NCOA7: variants seen among roughly 807,000 people sequenced by gnomAD.
NCOA7 encodes the protein nuclear receptor coactivator 7, also known as 140 kDa estrogen receptor-associated protein.
A neutral mutation model predicts 104.3 loss-of-function variants in NCOA7; 45 were observed. The observed-to-expected ratio is 0.43, with a 90% CI of 0.34 to 0.55. The LOEUF (loss-of-function observed/expected upper bound fraction) is 0.55, where lower values mean the gene tolerates loss of function less well. Ranked by LOEUF, NCOA7 falls within the 20% of genes least tolerant of loss-of-function variation. NCOA7 has a pLI of 0.02. For missense variants in NCOA7, 1,041 were observed against 1,119.7 expected (o/e 0.93, Z 1.00); for synonymous variants, 398 against 402.3 (o/e 0.99, Z 0.13).
intron 5 of NCOA7, among the ~76,000 whole-genome samples, chr6:125,880,672 G>A (rs1043522930): frequency 6.6e-6 from 1 of 151,906 alleles, no homozygotes; most frequent in African/African-American, 2.4e-5. Context: ...GGGACTACAG[G>A]TGCGAGCCAC....
intron 2 of NCOA7, among the ~76,000 whole-genome samples, chr6:125,816,493 A>G (rs951658982): frequency 6.6e-6 from 1 of 152,204 alleles, no homozygotes; most frequent in Non-Finnish European, 1.5e-5. Flanking sequence ...TAAATCATGA[A>G]TAAGGTTTTG....
intron 2 of NCOA7, among the ~76,000 whole-genome samples, chr6:125,822,950 AC>A (rs1263658875): frequency 2.0e-5 from 3 of 150,420 alleles, no homozygotes; most frequent in South Asian, 4.2e-4. Flanking sequence ...AAAAAAAAAA[AC>A]AACAAAAAAA....
intron 1 of NCOA7, among the ~76,000 whole-genome samples, chr6:125,783,723 C>T (rs918581684): frequency 1.3e-5 from 2 of 152,198 alleles, no homozygotes; most frequent in African/African-American, 4.8e-5. Context: ...CAGGTACAGC[C>T]TGTACTTTAT....
chr6:125,919,177 T>C (rs1787344152), intron 11 of NCOA7: 1 of 1,478,602 alleles, frequency 6.8e-7, no homozygotes, highest in African/African-American at 1.4e-5. Context: ...AATTTGGGTG[T>C]GTTCCTGTAG....
At chr6:125,850,733 A>G (rs1332124585) in intron 2 of NCOA7, among the ~76,000 whole-genome samples, 2 of 152,218 alleles carry the variant, frequency 1.3e-5, no homozygotes, top group Admixed American at 6.5e-5. Flanking sequence ...AGAAGGAATC[A>G]CCTTCGGAAG....
At chr6:125,807,975 A>G (rs1465599519) in intron 1 of NCOA7, among the ~76,000 whole-genome samples, 1 of 152,216 alleles carries the variant, frequency 6.6e-6, no homozygotes, top group Non-Finnish European at 1.5e-5. Flanking sequence ...GACAAGAGAA[A>G]TCTATCAAAT....
intron 3 of NCOA7, among the ~76,000 whole-genome samples, chr6:125,856,413 C>T (rs957901157): frequency 6.6e-6 from 1 of 151,964 alleles, no homozygotes; most frequent in Non-Finnish European, 1.5e-5. Context: ...AGTGCAGTGG[C>T]GCGATCTCGG....
At chr6:125,826,549 T>TCAGTA (rs1778677587) in intron 2 of NCOA7, among the ~76,000 whole-genome samples, 1 of 152,082 alleles carries the variant, frequency 6.6e-6, no homozygotes, top group Non-Finnish European at 1.5e-5. Flanking sequence ...CTCAGTTCTT[T>TCAGTA]CATGTAATTA....
chr6:125,795,803 C>T (rs1775264601), intron 1 of NCOA7, among the ~76,000 whole-genome samples: 1 of 152,180 alleles, frequency 6.6e-6, no homozygotes, highest in South Asian at 2.1e-4. Flanking sequence ...TGCATTTTAC[C>T]CACAGTCATT....
At chr6:125,910,208 A>G (rs991451439) in intron 10 of NCOA7, among the ~76,000 whole-genome samples, 1 of 152,188 alleles carries the variant, frequency 6.6e-6, no homozygotes, top group Non-Finnish European at 1.5e-5. Flanking sequence ...TGTGAATGCT[A>G]AGCCGGCTCT....
At chr6:125,907,030 GAACTTA>G (rs1786074385) in intron 10 of NCOA7, among the ~76,000 whole-genome samples, 1 of 152,186 alleles carries the variant, frequency 6.6e-6, no homozygotes, top group Non-Finnish European at 1.5e-5. Flanking sequence ...AGAGGACTTA[GAACTTA>G]AGTAAGCAAA....
intron 11 of NCOA7, chr6:125,919,271 G>A (rs775023518): frequency 6.2e-7 from 1 of 1,611,674 alleles, no homozygotes; most frequent in African/African-American, 1.3e-5. Flanking sequence ...AGCTCAGCGT[G>A]GCTACAAGTA....
chr6:125,823,995 G>A (rs1260786034), intron 2 of NCOA7, among the ~76,000 whole-genome samples: 2 of 151,300 alleles, frequency 1.3e-5, no homozygotes, highest in African/African-American at 4.9e-5. Context: ...TTTATTATGG[G>A]CCAGCATTAA....
chr6:125,786,968 G>A (rs1006468916), upstream of NCOA7, among the ~76,000 whole-genome samples: 2 of 151,970 alleles, frequency 1.3e-5, no homozygotes, highest in African/African-American at 2.4e-5. Context: ...GCAACATGGC[G>A]AAACTCCATC....
At chr6:125,920,009 A>G (rs568977102) in intron 11 of NCOA7, among the ~76,000 whole-genome samples, 8 of 152,366 alleles carry the variant, frequency 5.3e-5, no homozygotes, top group African/African-American at 1.9e-4. Context: ...CAAGAAGCCT[A>G]ATATACACTC....
chr6:125,785,534 A>G (rs560956357), intron 1 of NCOA7, among the ~76,000 whole-genome samples: 22 of 152,346 alleles, frequency 1.4e-4, no homozygotes, highest in African/African-American at 5.3e-4. Flanking sequence ...AACCCCTATT[A>G]GCATAATCAC....
At position 125,929,359 on chromosome 6, in the gene NCOA7, T is replaced by C. The variant is rs1788320669; in HGVS notation, c.*588T>C. ...TGAAATATTAAATGTATACATTTTG[T>C]GCTATGTTTTGGGAACAAATCTGTT... is the stretch of plus-strand genomic sequence containing the variant. On this transcript the variant is annotated 3_prime_UTR_variant, in exon 16 of 16. Coordinates refer to ENST00000392477, the MANE Select transcript of NCOA7 (RefSeq NM_181782.5). The C allele has an allele frequency of 6.6e-6, 1 of 152,114 alleles. No individual in the cohort carries two copies. The highest frequency in any genetic ancestry group is 1.5e-5 in the Non-Finnish European group (1 of 68,010). The allele number at this position is 152,114 out of a possible 1,614,324, so 9.4% of individuals were successfully genotyped here. A position where few individuals can be genotyped will look rare whatever the true frequency, so the allele number is the denominator to read the frequency against.
chr6:125,885,280 A>T lies in NCOA7; in HGVS notation c.821A>T (p.Glu274Val). ...TATGGTCTCATCTGCCCCATGGAAG[A>T]GGTTGTTTCCATTGCGCTCTACAAT... ...EEYGLICPME[E>V]VVSIALYNDI... Residue 274 changes from glutamate to valine, a missense_variant, in exon 8 of 16, where the codon GAG becomes GTG. Around this residue, in one of 2 missense-constraint regions of NCOA7, gnomAD observed 914 missense variants for 942.7 expected, o/e 0.97. Coordinates refer to ENST00000392477, the MANE Select transcript of NCOA7 (RefSeq NM_181782.5). 6.2e-7 allele frequency: 1 copy of T among 1,614,024 alleles called. No homozygotes were observed. The highest frequency in any genetic ancestry group is 8.5e-7 in the Non-Finnish European group (1 of 1,179,930).
Position 125,815,279 on chromosome 6 carries a change from C to A in NCOA7, c.-64-12C>A. On this transcript the variant is annotated splice_polypyrimidine_tract_variant and intron_variant, in intron 1 of 15. Transcript: ENST00000392477. ...TTTAAGTTTACAGTTGCTTTGTTAT[C>A]TTTTCTTACAGGGTTACGACTCACT... 8.9e-7 allele frequency: 1 copy of A among 1,125,580 alleles called. No individual in the cohort carries two copies. The allele number at this position is 1,125,580 out of a possible 1,614,324, so 69.7% of individuals were successfully genotyped here.
Sources: allele counts gnomAD v4.1 joint callset (sites outside exome capture counted in the v4.1 genomes callset), GRCh38; gene constraint gnomAD v4.1.1; regional missense constraint gnomAD v4.1.1; transcripts MANE v1.5; gene names NCBI Gene and HGNC (gene_info 2026-07-23, HGNC 2026-07-21).